Variants in SIPA1L2 observed in about 807,000 individuals in gnomAD.
The protein encoded by SIPA1L2 is signal-induced proliferation-associated 1-like protein 2.
A neutral mutation model predicts 163.9 loss-of-function variants in SIPA1L2; 56 were observed. The observed-to-expected ratio is 0.34, with a 90% CI of 0.28 to 0.43. SIPA1L2 has a LOEUF of 0.43. Ranked by LOEUF, SIPA1L2 falls within the 20% of genes least tolerant of loss-of-function variation. SIPA1L2 has a pLI of 1.00. For missense variants in SIPA1L2, 1,974 were observed against 2,193.5 expected (o/e 0.90, Z 2.00); for synonymous variants, 877 against 865.7 (o/e 1.01, Z -0.23).
intron 2 of SIPA1L2, among the ~76,000 whole-genome samples, chr1:232,573,792 G>A (rs1047914733): frequency 2.5e-4 from 38 of 152,226 alleles, no homozygotes; most frequent in African/African-American, 8.4e-4. Context: ...GGGGAGAGAA[G>A]CCTTTGGCAG....
intron 16 of SIPA1L2, 51 bp from the exon 17 acceptor site, chr1:232,428,615 A>G: frequency 4.3e-6 from 6 of 1,385,470 alleles, no homozygotes; most frequent in Non-Finnish European, 5.7e-6. Context: ...AAGTGCCTGT[A>G]GTGGTAAGAA....
intron 6 of SIPA1L2, among the ~76,000 whole-genome samples, chr1:232,481,307 CT>C (rs1172774812): frequency 6.6e-6 from 1 of 152,238 alleles, no homozygotes; most frequent in East Asian, 1.9e-4. Flanking sequence ...AATGGACTCA[CT>C]GATGACAAAA....
At chr1:232,429,798 C>T (rs979625399) in intron 16 of SIPA1L2, among the ~76,000 whole-genome samples, 4 of 152,072 alleles carry the variant, frequency 2.6e-5, no homozygotes, top group Non-Finnish European at 1.5e-5. Context: ...CAAGAAGCGC[C>T]CAACATTCGA....
At chr1:232,606,747 G>C (rs919827991) in intron 1 of SIPA1L2, among the ~76,000 whole-genome samples, 3 of 151,444 alleles carry the variant, frequency 2.0e-5, no homozygotes, top group Admixed American at 6.6e-5. Flanking sequence ...TTAAATGAAA[G>C]AAAGTTGTCA....
chr1:232,483,263 T>TTTA (rs397983218), intron 6 of SIPA1L2, among the ~76,000 whole-genome samples: 17 of 151,810 alleles, frequency 1.1e-4, no homozygotes, highest in African/African-American at 3.1e-4. Context: ...TTTTTTTTTT[T>TTTA]AATTTTAGAT....
At chr1:232,475,910 C>T (rs1665021685) in intron 7 of SIPA1L2, among the ~76,000 whole-genome samples, 1 of 152,164 alleles carries the variant, frequency 6.6e-6, no homozygotes, top group South Asian at 2.1e-4. Flanking sequence ...CCAACCCTCA[C>T]TCTAAGTAAC....
Position 232,479,696 on chromosome 1 carries a change from T to C in SIPA1L2, c.2016A>G (p.Thr672=), listed in dbSNP as rs752714342. 1.1e-5 allele frequency: 17 copies of C among 1,613,774 alleles called. No individual in the cohort carries two copies. Among genetic ancestry groups the C allele is most frequent in the Non-Finnish European group, 1.3e-5 (15 of 1,179,762 alleles). ...GGAACATGAGTTCGTAGTCTTTGTA[T>C]GTGGTATAGAGAGAGTGCGTGCCCG... is the stretch of plus-strand genomic sequence containing the variant. ...DSTGTHSLYT[T]YKDYELMFHV... Residue 672 remains threonine (T), a synonymous_variant, in exon 7 of 23, where the codon ACA becomes ACG. Coordinates refer to ENST00000674635, the MANE Select transcript of SIPA1L2 (RefSeq NM_020808.5).
chr1:232,523,206 T>C (rs1667536189), intron 2 of SIPA1L2, among the ~76,000 whole-genome samples: 1 of 152,184 alleles, frequency 6.6e-6, no homozygotes, highest in South Asian at 2.1e-4. Context: ...ATTCTGTAAG[T>C]CAAAAATAGA....
At chr1:232,480,880 T>C (rs1665314910) in intron 6 of SIPA1L2, among the ~76,000 whole-genome samples, 1 of 152,294 alleles carries the variant, frequency 6.6e-6, no homozygotes, top group African/African-American at 2.4e-5. Context: ...ACGGACTTAT[T>C]ATATTCTTTC....
At position 232,514,359 on chromosome 1, in the gene SIPA1L2, T is replaced by C; in HGVS notation, c.981A>G (p.Arg327=). 2 of 1,613,494 alleles carry C rather than the reference T, an allele frequency of 1.2e-6. No homozygotes were observed. Among genetic ancestry groups the C allele is most frequent in the Non-Finnish European group, 8.5e-7 (1 of 1,180,032 alleles). ...ERGIRPWNCQ[R]CFAHYDVQSI... ...TCTGGACATCATAATGTGCAAAACA[T>C]CGCTGACAATTCCAAGGGCGAATGC... The change falls in exon 3 of 23, where the codon CGA becomes CGG. Residue 327 remains arginine, a synonymous_variant. Coordinates refer to ENST00000674635, the MANE Select transcript of SIPA1L2 (RefSeq NM_020808.5).
rs2209621 is a variant in SIPA1L2, at chr1:232,449,360, T to C, written c.3096-3574A>G. The stretch of plus-strand genomic sequence containing the variant: ...GGTGAAACCCCGTCTCTACTAAAAA[T>C]ACAAAAAATTGGCCGGGCACGGTGG... On this transcript the variant is annotated intron_variant, in intron 10 of 22. Transcript: ENST00000674635. Among the ~76,000 whole-genome samples the C allele has an allele frequency of 1.1e-3, 169 of 151,562 alleles. 1 individual carries two copies. Among genetic ancestry groups the C allele is most frequent in the African/African-American group, 3.6e-3 (150 of 41,326 alleles).
At chr1:232,564,051 C>T (rs887480836) in intron 2 of SIPA1L2, among the ~76,000 whole-genome samples, 35 of 126,418 alleles carry the variant, frequency 2.8e-4, no homozygotes, top group Admixed American at 5.0e-4. Context: ...GATCTTGGCT[C>T]GCTGCAACTT....
Position 232,399,251 on chromosome 1 carries a change from A to T in SIPA1L2, c.5045T>A (p.Leu1682His). 6.2e-7 allele frequency: 1 copy of T among 1,613,622 alleles called. No individual in the cohort carries two copies. The highest frequency in any genetic ancestry group is 8.5e-7 in the Non-Finnish European group (1 of 1,179,966). Residue 1682 changes from leucine to histidine, a missense_variant, in exon 23 of 23, where the codon CTC (leucine) becomes CAC (histidine). By Grantham distance (99) the Leu-to-His change is moderately conservative. Coordinates refer to ENST00000674635, the MANE Select transcript of SIPA1L2 (RefSeq NM_020808.5). ...LRKEKQDKAV[L>H]QAEVQHLRQD... ...TCTCAGGTGCTGCACTTCTGCTTGG[A>T]GAACGGCCTTGTCTTGTTTTTCCTG...
chr1:232,545,726 G>A (rs1050847385), intron 2 of SIPA1L2, among the ~76,000 whole-genome samples: 3 of 152,078 alleles, frequency 2.0e-5, no homozygotes, highest in African/African-American at 4.8e-5. Context: ...TTTCTAATTC[G>A]CATATAATTC....
intron 21 of SIPA1L2, 117 bp from the exon 22 acceptor site, chr1:232,402,590 T>C (rs1310617595): frequency 1.3e-5 from 10 of 758,734 alleles, no homozygotes; most frequent in African/African-American, 1.2e-4. Flanking sequence ...AGCAGATATA[T>C]TATATTATGT....
chr1:232,618,839 C>G (rs910929112), intron 1 of SIPA1L2, among the ~76,000 whole-genome samples: 3 of 152,076 alleles, frequency 2.0e-5, no homozygotes, highest in African/African-American at 7.2e-5. Context: ...TAATTTTATA[C>G]CAAAACGTCA....
intron 2 of SIPA1L2, among the ~76,000 whole-genome samples, chr1:232,551,768 G>A (rs1658398237): frequency 6.6e-6 from 1 of 152,236 alleles, no homozygotes; most frequent in Non-Finnish European, 1.5e-5. Flanking sequence ...TAGTTTAGCT[G>A]ATGAGTTGAG....
At chr1:232,542,650 G>T (rs570305969) in intron 2 of SIPA1L2, among the ~76,000 whole-genome samples, 32 of 152,248 alleles carry the variant, frequency 2.1e-4, no homozygotes, top group African/African-American at 7.2e-4. Context: ...AGACGCCAGG[G>T]GCTAAGTTAA....
chr1:232,436,110 G>C (rs1662546519), intron 15 of SIPA1L2, among the ~76,000 whole-genome samples: 1 of 152,156 alleles, frequency 6.6e-6, no homozygotes, highest in Non-Finnish European at 1.5e-5. Context: ...CATTCCTCCT[G>C]CTTCCCTAGG....
Sources: allele counts gnomAD v4.1 joint callset (sites outside exome capture counted in the v4.1 genomes callset), GRCh38; gene constraint gnomAD v4.1.1; transcripts MANE v1.5; gene names NCBI Gene and HGNC (gene_info 2026-07-23, HGNC 2026-07-21).